SLC9A9: variants seen among roughly 807,000 people sequenced by gnomAD.
SLC9A9 encodes sodium/hydrogen exchanger 9.
A neutral mutation model predicts 77.8 loss-of-function variants in SLC9A9; 62 were observed. The observed-to-expected ratio is 0.80, with a 90% CI of 0.65 to 0.98. The LOEUF is 0.98. SLC9A9 is among the 50% of genes least tolerant of loss of function. The probability of loss-of-function intolerance (pLI) is 0.00; values close to 1 mark genes in which losing one functional copy is unlikely to be tolerated. For missense variants in SLC9A9, 775 were observed against 774.9 expected, an observed-to-expected ratio of 1.00 and a Z score of 0.00; for synonymous variants, 320 against 283.5, an observed-to-expected ratio of 1.13 and a Z score of -1.29.
intron 4 of SLC9A9, among the ~76,000 whole-genome samples, chr3:143,782,157 A>C (rs2007901829): frequency 6.6e-6 from 1 of 152,350 alleles, no homozygotes; most frequent in South Asian, 2.1e-4. Context: ...TATGAATTAT[A>C]CAATTAATTC....
chr3:143,741,439 T>C (rs1360761498), intron 4 of SLC9A9, among the ~76,000 whole-genome samples: 1 of 152,154 alleles, frequency 6.6e-6, no homozygotes, highest in African/African-American at 2.4e-5. Flanking sequence ...CTGATATAAA[T>C]AAAGAATTGT....
At chr3:143,379,870 A>C (rs909613088) in intron 13 of SLC9A9, among the ~76,000 whole-genome samples, 23 of 152,318 alleles carry the variant, frequency 1.5e-4, no homozygotes, top group Admixed American at 6.5e-4. Context: ...GGTTTTGACT[A>C]TCTGCTCTTA....
Position 143,550,403 on chromosome 3 carries a change from C to G in SLC9A9, c.1089+1959G>C, listed in dbSNP as rs141908789. 3.1e-3 allele frequency among the ~76,000 whole-genome samples: 472 copies of G among 152,282 alleles called. 2 individuals are homozygous for G. The highest frequency in any genetic ancestry group is 9.7e-3 in the African/African-American group (402 of 41,542). Reference sequence around the variant, plus strand: ...TATGTCCACATTCTTTGCCATATAACTTTGCAGTGATCTCCCACTGTGGTC... The same window carrying G: ...TATGTCCACATTCTTTGCCATATAAGTTTGCAGTGATCTCCCACTGTGGTC... On this transcript the variant is annotated intron_variant, in intron 9 of 15. Coordinates refer to ENST00000316549, the MANE Select transcript of SLC9A9 (RefSeq NM_173653.4).
chr3:143,496,396 T>C (rs2108593214), intron 9 of SLC9A9, among the ~76,000 whole-genome samples: 1 of 152,350 alleles, frequency 6.6e-6, no homozygotes, highest in Non-Finnish European at 1.5e-5. Context: ...TAGGTAAATA[T>C]CTCTGGAGGC....
rs572199219 is a variant in SLC9A9 at position 143,525,442 on chromosome 3, T to C, written c.1089+26920A>G. On this transcript the variant is annotated intron_variant, in intron 9 of 15. Transcript: ENST00000316549. Reference sequence around the variant, plus strand: ...GATCACACAGCAACTAAGTGGCAAGTGTAGACTCTAATCTGGCTCTGTCAG... The same window carrying C: ...GATCACACAGCAACTAAGTGGCAAGCGTAGACTCTAATCTGGCTCTGTCAG... Among the ~76,000 whole-genome samples the C allele has an allele frequency of 1.1e-3, 164 of 152,310 alleles. 1 individual carries two copies. The highest frequency in any genetic ancestry group is 3.8e-3 in the African/African-American group (158 of 41,578).
chr3:143,708,280 G>A (rs781572983), intron 4 of SLC9A9, among the ~76,000 whole-genome samples: 6 of 152,050 alleles, frequency 3.9e-5, no homozygotes, highest in African/African-American at 7.2e-5. Context: ...CACCACTTGG[G>A]CCACTCTCTG....
At chr3:143,679,694 G>C (rs946845101) in intron 5 of SLC9A9, among the ~76,000 whole-genome samples, 1 of 151,860 alleles carries the variant, frequency 6.6e-6, no homozygotes, top group African/African-American at 2.4e-5. Flanking sequence ...TCTCCAATAC[G>C]TATTGCCAAT....
chr3:143,576,340 C>A (rs1026727286), intron 7 of SLC9A9, among the ~76,000 whole-genome samples: 8 of 152,134 alleles, frequency 5.3e-5, no homozygotes, highest in African/African-American at 1.9e-4. Context: ...CACACAGTAA[C>A]GTTTTCAATA....
chr3:143,606,436 C>CTCTCTCTCTATATA (rs1419410834), intron 6 of SLC9A9, among the ~76,000 whole-genome samples: 114 of 54,190 alleles, frequency 2.1e-3, no homozygotes, highest in East Asian at 5.9e-3. Flanking sequence ...CTCTCTCTCT[C>CTCTCTCTCTATATA]TATATATATA....
intron 6 of SLC9A9, among the ~76,000 whole-genome samples, chr3:143,581,041 G>C (rs2037442460): frequency 6.6e-6 from 1 of 152,224 alleles, no homozygotes; most frequent in African/African-American, 2.4e-5. Context: ...AAATGTAAAT[G>C]ACAAATAGCT....
rs779357534 is a variant in SLC9A9 at position 143,578,629 on chromosome 3, C to T, written c.850G>A (p.Gly284Ser). ...SVGNFLGIFA[G>S]SFAMGSAYAI... ...TACGCAGACCCCATTGCAAATGAGC[C>T]AGCGAAGATTCCCAGGAAATTCCCC... Residue 284 changes from glycine to serine, a missense_variant, in exon 7 of 16, where the codon GGC (glycine) becomes AGC (serine). Coordinates refer to ENST00000316549, the MANE Select transcript of SLC9A9 (RefSeq NM_173653.4). 1.4e-5 allele frequency: 22 copies of T among 1,614,074 alleles called. No homozygotes were observed. The highest frequency in any genetic ancestry group is 1.9e-5 in the Non-Finnish European group (22 of 1,179,960).
intron 12 of SLC9A9, among the ~76,000 whole-genome samples, chr3:143,420,734 C>A (rs754574048): frequency 1.3e-5 from 2 of 152,132 alleles, no homozygotes; most frequent in Non-Finnish European, 2.9e-5. Context: ...GCCCTGGGAG[C>A]TTGGTGGTAG....
intron 12 of SLC9A9, among the ~76,000 whole-genome samples, chr3:143,446,931 T>C (rs1425603751): frequency 1.3e-5 from 2 of 151,010 alleles, no homozygotes; most frequent in East Asian, 1.9e-4. Context: ...ATCATATGTG[T>C]ATGTACTCAC....
chr3:143,423,125 T>A (rs2034331235), intron 12 of SLC9A9, among the ~76,000 whole-genome samples: 1 of 152,078 alleles, frequency 6.6e-6, no homozygotes, highest in African/African-American at 2.4e-5. Context: ...CCTGTGGTAT[T>A]GAACTGGAAT....
intron 5 of SLC9A9, among the ~76,000 whole-genome samples, chr3:143,654,190 T>C (rs1249981276): frequency 6.6e-6 from 1 of 152,238 alleles, no homozygotes; most frequent in East Asian, 1.9e-4. Context: ...TTAATAAGCC[T>C]GATTTAGCTA....
At chr3:143,505,923 C>A (rs1048089960) in intron 9 of SLC9A9, among the ~76,000 whole-genome samples, 3 of 152,082 alleles carry the variant, frequency 2.0e-5, no homozygotes, top group Non-Finnish European at 4.4e-5. Context: ...ATTACTTTAG[C>A]CAGTAAATAC....
intron 14 of SLC9A9, among the ~76,000 whole-genome samples, chr3:143,326,436 C>T (rs1169496322): frequency 6.6e-6 from 1 of 152,078 alleles, no homozygotes; most frequent in Non-Finnish European, 1.5e-5. Flanking sequence ...CTTTCTTCAG[C>T]CTTCCTTCCT....
chr3:143,677,534 TGG>T (rs1444953089), intron 5 of SLC9A9, among the ~76,000 whole-genome samples: 1 of 152,232 alleles, frequency 6.6e-6, no homozygotes, highest in Non-Finnish European at 1.5e-5. Context: ...GTCAGATTGC[TGG>T]GTCAAAAGGG....
In SLC9A9 at chr3:143,265,964, C is replaced by A. The variant is rs1937699516; in HGVS notation, c.*738G>T. ...GACGGGAAGGCTTGTTCTTCAGGCA[C>A]AACGTGGTATGGGGAGAAGAAACCT... is the stretch of plus-strand genomic sequence containing the variant. On this transcript the variant is annotated 3_prime_UTR_variant, in exon 16 of 16. Coordinates refer to ENST00000316549, the MANE Select transcript of SLC9A9 (RefSeq NM_173653.4). 1 of 672,038 alleles carries A rather than the reference C, an allele frequency of 1.5e-6. No homozygotes were observed. The highest frequency in any genetic ancestry group is 2.7e-6 in the Non-Finnish European group (1 of 369,934). 41.6% of individuals were successfully genotyped at this position (672,038 alleles called of 1,614,324 possible). A position where few individuals can be genotyped will look rare whatever the true frequency, so the allele number is the denominator to read the frequency against.
Sources: gnomAD v4.1 joint callset for allele counts (sites outside exome capture counted in the v4.1 genomes callset) on GRCh38, gnomAD v4.1.1 for gene constraint, MANE v1.5 for transcripts, NCBI Gene and HGNC (gene_info 2026-07-23, HGNC 2026-07-21) for gene names.